ROBO2: variants seen among roughly 807,000 people sequenced by gnomAD.
ROBO2 encodes the protein roundabout guidance receptor 2.
A neutral mutation model predicts 160.8 loss-of-function variants in ROBO2; 53 were observed. The observed-to-expected ratio is 0.33, with a 90% CI of 0.26 to 0.41. The LOEUF (loss-of-function observed/expected upper bound fraction) is 0.41. Ranked by LOEUF, ROBO2 falls within the 10% of genes least tolerant of loss-of-function variation. The pLI, the probability that ROBO2 is intolerant of heterozygous loss-of-function variation, is 1.00. For missense variants in ROBO2, 1,577 were observed against 1,722.4 expected (o/e 0.92, Z 1.49); for synonymous variants, 664 against 611.7 (o/e 1.09, Z -1.26).
intron 2 of ROBO2, among the ~76,000 whole-genome samples, chr3:77,231,420 A>G (rs2087194699): frequency 6.6e-6 from 1 of 151,716 alleles, no homozygotes; most frequent in African/African-American, 2.4e-5. Flanking sequence ...CTAAAATAAA[A>G]GCCTCATATT....
At chr3:76,058,105 T>A (rs2067918710) in intron 2 of ROBO2, among the ~76,000 whole-genome samples, 1 of 147,194 alleles carries the variant, frequency 6.8e-6, no homozygotes, top group Non-Finnish European at 1.5e-5. Context: ...GTTTTTTTTT[T>A]CCTTTTCTTA....
chr3:77,419,241 T>C (rs1485690244), intron 2 of ROBO2, among the ~76,000 whole-genome samples: 2 of 152,076 alleles, frequency 1.3e-5, no homozygotes, highest in East Asian at 3.9e-4. Context: ...CAGAGATACA[T>C]TGACCTATCT....
intron 2 of ROBO2, among the ~76,000 whole-genome samples, chr3:76,000,489 A>ATTTTTTTTTT (rs62945460): frequency 7.0e-5 from 8 of 114,170 alleles, no homozygotes; most frequent in African/African-American, 2.4e-4. Flanking sequence ...TTGTGCGCTT[A>ATTTTTTTTTT]TTTTTTTTTT....
chr3:76,807,898 C>T (rs1216639216), intron 2 of ROBO2, among the ~76,000 whole-genome samples: 1 of 151,944 alleles, frequency 6.6e-6, no homozygotes, highest in Admixed American at 6.6e-5. Flanking sequence ...TGCACAAAAA[C>T]TTAGGACGGT....
At chr3:77,101,861 G>A (rs1343804684) in intron 2 of ROBO2, among the ~76,000 whole-genome samples, 4 of 152,104 alleles carry the variant, frequency 2.6e-5, no homozygotes, top group South Asian at 2.1e-4. Flanking sequence ...GCAACATGGT[G>A]AAACCCCGAC....
chr3:77,045,037 A>G (rs1236775487), intron 1 of ROBO2, among the ~76,000 whole-genome samples: 6 of 152,054 alleles, frequency 3.9e-5, no homozygotes, highest in Non-Finnish European at 8.8e-5. Flanking sequence ...GGGGCTTGGA[A>G]CACCCAATGT....
intron 2 of ROBO2, among the ~76,000 whole-genome samples, chr3:75,966,020 C>T (rs1474253148): frequency 1.3e-5 from 2 of 151,646 alleles, no homozygotes; most frequent in Non-Finnish European, 3.0e-5. Context: ...CAGTTTATTG[C>T]TCTTTAAATT....
At chr3:77,526,669 T>G (rs1282760268) in intron 6 of ROBO2, among the ~76,000 whole-genome samples, 1 of 151,488 alleles carries the variant, frequency 6.6e-6, no homozygotes, top group East Asian at 1.9e-4. Flanking sequence ...TACCACTGAT[T>G]TTAGTGATTG....
At chr3:77,607,886 T>G (rs1190449410) in exon 21 of ROBO2, 1 of 1,607,920 alleles carries the variant, frequency 6.2e-7, no homozygotes, top group South Asian at 1.1e-5. Context: ...TCCCTCTACC[T>G]CCCCCCCCAG....
chr3:76,328,790 C>T (rs1207764307), intron 2 of ROBO2, among the ~76,000 whole-genome samples: 7 of 151,762 alleles, frequency 4.6e-5, no homozygotes, highest in African/African-American at 1.2e-4. Context: ...ACCCGGGAGG[C>T]GGACCTTGCA....
intron 23 of ROBO2, among the ~76,000 whole-genome samples, chr3:77,626,199 C>T (rs894609629): frequency 6.6e-6 from 1 of 152,112 alleles, no homozygotes; most frequent in African/African-American, 2.4e-5. Context: ...TGTATACAAG[C>T]ACAACATATA....
chr3:76,602,653 C>T (rs1006503435), intron 2 of ROBO2, among the ~76,000 whole-genome samples: 5 of 152,230 alleles, frequency 3.3e-5, no homozygotes, highest in African/African-American at 1.2e-4. Flanking sequence ...GTTCAGTCAC[C>T]TCCCACTGGG....
intron 2 of ROBO2, among the ~76,000 whole-genome samples, chr3:76,395,104 A>G (rs2077363164): frequency 6.6e-6 from 1 of 152,116 alleles, no homozygotes; most frequent in Non-Finnish European, 1.5e-5. Context: ...AATGTAAAAG[A>G]ATAGAAATTA....
exon 2 of ROBO2, chr3:77,098,163 G>C (rs1193962878): frequency 1.9e-6 from 3 of 1,614,090 alleles, no homozygotes; most frequent in Non-Finnish European, 2.5e-6. Flanking sequence ...TGGGGAGCGA[G>C]TGGAGACTGA....
intron 2 of ROBO2, among the ~76,000 whole-genome samples, chr3:77,018,458 C>T (rs1466259917): frequency 1.3e-5 from 2 of 152,112 alleles, no homozygotes; most frequent in African/African-American, 4.8e-5. Flanking sequence ...TAAAAGAATT[C>T]TATATTGATA....
At chr3:77,075,159 A>G (rs1326082992) in intron 1 of ROBO2, among the ~76,000 whole-genome samples, 2 of 152,204 alleles carry the variant, frequency 1.3e-5, no homozygotes, top group Non-Finnish European at 2.9e-5. Context: ...ATATGTTGAC[A>G]TTCCATATTA....
chr3:77,512,358 C>G (rs895959722), intron 5 of ROBO2, among the ~76,000 whole-genome samples: 1 of 151,852 alleles, frequency 6.6e-6, no homozygotes, highest in African/African-American at 2.4e-5. Context: ...CTATTTTCAG[C>G]TCTCAAAATT....
chr3:76,990,608 G>A (rs1283905150), intron 2 of ROBO2, among the ~76,000 whole-genome samples: 1 of 152,148 alleles, frequency 6.6e-6, no homozygotes, highest in African/African-American at 2.4e-5. Context: ...CGCCAAGAAT[G>A]TTAGGGACCA....
At chr3:77,236,624 A>G (rs1198296212) in intron 2 of ROBO2, among the ~76,000 whole-genome samples, 2 of 152,142 alleles carry the variant, frequency 1.3e-5, no homozygotes, top group African/African-American at 4.8e-5. Context: ...ATGCATAATG[A>G]TATTTATTTA....
Sources: allele counts gnomAD v4.1 joint callset (sites outside exome capture counted in the v4.1 genomes callset), GRCh38; gene constraint gnomAD v4.1.1; transcripts MANE v1.5; gene names NCBI Gene and HGNC (gene_info 2026-07-23, HGNC 2026-07-21).